Variants in ATG5 observed in about 807,000 individuals in gnomAD.
ATG5 encodes the protein autophagy protein 5.
A neutral mutation model predicts 36.5 loss-of-function variants in ATG5; 14 were observed. That is an observed-to-expected ratio of 0.38 (90% CI 0.25 to 0.60). The LOEUF is 0.60. Ranked by LOEUF, ATG5 falls within the 20% of genes least tolerant of loss-of-function variation. The probability of loss-of-function intolerance (pLI) is 0.60; values close to 1 mark genes in which losing one functional copy is unlikely to be tolerated. For synonymous variants in ATG5, 95 were observed against 101.5 expected (o/e 0.94, Z 0.38); for missense variants, 195 against 326.7 (o/e 0.60, Z 3.11).
intron 6 of ATG5, among the ~76,000 whole-genome samples, chr6:106,218,456 A>G (rs751732753): frequency 2.0e-5 from 3 of 152,188 alleles, no homozygotes; most frequent in Non-Finnish European, 4.4e-5. Flanking sequence ...CAACAAAACT[A>G]TTCAATTGTA....
intron 4 of ATG5, among the ~76,000 whole-genome samples, chr6:106,280,856 T>C (rs914426402): frequency 2.0e-5 from 3 of 152,130 alleles, no homozygotes; most frequent in African/African-American, 2.4e-5. Flanking sequence ...TTGACTCAAG[T>C]CCTACATTTT....
chr6:106,321,270 G>A (rs1322534938), intron 1 of ATG5, among the ~76,000 whole-genome samples: 1 of 151,848 alleles, frequency 6.6e-6, no homozygotes, highest in Non-Finnish European at 1.5e-5. Context: ...TATGTTTTTA[G>A]TACACAGTTT....
chr6:106,260,604 G>A (rs999805776), intron 5 of ATG5, among the ~76,000 whole-genome samples: 1 of 152,046 alleles, frequency 6.6e-6, no homozygotes, highest in African/African-American at 2.4e-5. Context: ...TCCAGTGTTT[G>A]GGTAAAAACC....
intron 2 of ATG5, among the ~76,000 whole-genome samples, chr6:106,312,462 G>T (rs560544993): frequency 6.6e-6 from 1 of 151,770 alleles, no homozygotes; most frequent in Non-Finnish European, 1.5e-5. Flanking sequence ...GAGCTCTGGA[G>T]AAAAATATTG....
chr6:106,186,718 AGTTG>A, intron 7 of ATG5, 42 bp from the exon 8 acceptor site: 1 of 1,599,994 alleles, frequency 6.3e-7, no homozygotes, highest in Admixed American at 1.7e-5. Context: ...AAGTCAAAAC[AGTTG>A]AAGAAAAAAT....
Position 106,293,122 on chromosome 6 carries a change from T to C in ATG5, c.237-16A>G. 1 of 1,602,154 alleles carries C rather than the reference T, an allele frequency of 6.2e-7. No individual in the cohort carries two copies. The highest frequency in any genetic ancestry group is 8.5e-7 in the Non-Finnish European group (1 of 1,170,694). ...TGGATAATGCCTAAAAATGAAACAG[T>C]ATATTTTGAGAAAATAAATATTTAA... is the stretch of plus-strand genomic sequence containing the variant. On this transcript the variant is annotated splice_polypyrimidine_tract_variant and intron_variant, in intron 3 of 7. Coordinates refer to ENST00000369076, the MANE Select transcript of ATG5 (RefSeq NM_004849.4).
intron 6 of ATG5, among the ~76,000 whole-genome samples, chr6:106,236,052 C>T (rs1333734297): frequency 1.3e-5 from 2 of 152,134 alleles, no homozygotes; most frequent in South Asian, 2.1e-4. Flanking sequence ...TTTGTCACTA[C>T]ATATTAGTTT....
rs57802675 is a variant in ATG5 at position 106,242,138 on chromosome 6, T to TCA, written c.573+6010_573+6011dup. On this transcript the variant is annotated intron_variant, in intron 6 of 7. Coordinates refer to ENST00000369076, the MANE Select transcript of ATG5 (RefSeq NM_004849.4). ...TCTATCTATATCTATACACACATAC[T>TCA]CACACACACACACACACATTTATAG... Among the ~76,000 whole-genome samples, 338 of 150,628 alleles carry TCA rather than the reference T, an allele frequency of 2.2e-3. 1 individual carries two copies. The highest frequency in any genetic ancestry group is 6.4e-3 in the African/African-American group (264 of 41,096).
intron 5 of ATG5, among the ~76,000 whole-genome samples, chr6:106,264,824 A>G (rs1342034905): frequency 6.6e-6 from 1 of 152,198 alleles, no homozygotes; most frequent in East Asian, 1.9e-4. Flanking sequence ...GGCCTGCCCT[A>G]CAAGAGCTCC....
Position 106,279,680 on chromosome 6 carries a change from G to A in ATG5, c.459C>T (p.Leu153=). The change falls in exon 5 of 8, where the codon CTC becomes CTT. Residue 153 remains leucine (L), a synonymous_variant. Transcript: ENST00000369076. ...NEMQKKDHKQ[L]WMGLQNDRFD... Reference sequence around the variant, plus strand: ...ACTTACCATTTTGCAATCCCATCCAGAGTTGCTTGTGATCTTTTTTCTGCA... The same window carrying A: ...ACTTACCATTTTGCAATCCCATCCAAAGTTGCTTGTGATCTTTTTTCTGCA... The A allele has an allele frequency of 6.3e-7, 1 of 1,598,994 alleles. No homozygotes were observed. Among genetic ancestry groups the A allele is most frequent in the Non-Finnish European group, 8.5e-7 (1 of 1,174,022 alleles).
chr6:106,235,354 C>T (rs890954090), intron 6 of ATG5, among the ~76,000 whole-genome samples: 5 of 152,176 alleles, frequency 3.3e-5, no homozygotes, highest in African/African-American at 7.2e-5. Flanking sequence ...GTAATGATAT[C>T]GAACGCACCC....
chr6:106,192,288 A>T (rs1775994480), intron 7 of ATG5, among the ~76,000 whole-genome samples: 1 of 151,904 alleles, frequency 6.6e-6, no homozygotes. Context: ...TATGTTATAC[A>T]TTTTAAGTAT....
At chr6:106,251,727 AAGAG>A (rs924553803) in intron 5 of ATG5, among the ~76,000 whole-genome samples, 2 of 147,428 alleles carry the variant, frequency 1.4e-5, no homozygotes, top group East Asian at 4.1e-4. Context: ...AAGAAAGAGA[AAGAG>A]AAAGAAAGAA....
chr6:106,311,669 GA>G (rs1347803827), intron 2 of ATG5, among the ~76,000 whole-genome samples: 1 of 152,046 alleles, frequency 6.6e-6, no homozygotes. Flanking sequence ...TAAACTAAAT[GA>G]AAGATCCTAA....
In ATG5 at chr6:106,186,465, G is replaced by T; in HGVS notation, c.*75C>A. The T allele has an allele frequency of 6.4e-7, 1 of 1,559,990 alleles. No individual in the cohort carries two copies. On this transcript the variant is annotated 3_prime_UTR_variant, in exon 8 of 8. Transcript: ENST00000369076. Reference sequence around the variant, plus strand: ...TGGTCAGGTTGCCTCCACCAAACCTGATTGAAGCAAAAGGGTGACATGCTC... The same window carrying T: ...TGGTCAGGTTGCCTCCACCAAACCTTATTGAAGCAAAAGGGTGACATGCTC...
intron 6 of ATG5, among the ~76,000 whole-genome samples, chr6:106,202,994 G>A (rs1776494550): frequency 6.6e-6 from 1 of 152,180 alleles, no homozygotes; most frequent in Admixed American, 6.5e-5. Context: ...GGTTGAGAGA[G>A]AGACAGAGAG....
intron 6 of ATG5, among the ~76,000 whole-genome samples, chr6:106,211,556 A>G (rs964594294): frequency 6.6e-6 from 1 of 152,208 alleles, no homozygotes; most frequent in Non-Finnish European, 1.5e-5. Context: ...TAAAAATAAA[A>G]AAAATTAGCC....
chr6:106,242,826 T>C (rs1488177043), intron 6 of ATG5, among the ~76,000 whole-genome samples: 2 of 152,244 alleles, frequency 1.3e-5, no homozygotes, highest in African/African-American at 2.4e-5. Context: ...CTGACTTTTC[T>C]GTAAGATGTT....
At chr6:106,197,022 G>A (rs1056969889) in intron 7 of ATG5, among the ~76,000 whole-genome samples, 1 of 152,142 alleles carries the variant, frequency 6.6e-6, no homozygotes, top group Non-Finnish European at 1.5e-5. Flanking sequence ...TATAAACTTG[G>A]GACTAGCAAA....
Sources: gnomAD v4.1 joint callset for allele counts (sites outside exome capture counted in the v4.1 genomes callset) on GRCh38, gnomAD v4.1.1 for gene constraint, MANE v1.5 for transcripts, NCBI Gene and HGNC (gene_info 2026-07-23, HGNC 2026-07-21) for gene names.